SPMAP2: variants seen among roughly 807,000 people sequenced by gnomAD.
SPMAP2 encodes the protein Theg homolog.
chr19:362,404 C>G, the SPMAP2 span: 41 of 1,606,026 alleles, frequency 2.6e-5, no homozygotes, highest in African/African-American at 5.5e-4. Context: ...CAGGAACGCA[C>G]TTGTCCGACT....
At chr19:373,531 C>T in the SPMAP2 span, 10,243 of 1,613,000 alleles carry the variant, frequency 6.4e-3, 570 homozygotes, top group African/African-American at 0.12. Context: ...ACACAGAGGG[C>T]CTGGAATAAG....
At chr19:364,575 G>C in the SPMAP2 span, among the ~76,000 whole-genome samples, 1 of 151,530 alleles carries the variant, frequency 6.6e-6, no homozygotes, top group Non-Finnish European at 1.5e-5. Context: ...ACAGCCAAGA[G>C]AGCTCAAGTC....
At chr19:370,466 G>A in the SPMAP2 span, among the ~76,000 whole-genome samples, 10 of 151,244 alleles carry the variant, frequency 6.6e-5, no homozygotes, top group Admixed American at 4.0e-4. Flanking sequence ...CTCAGCCTCC[G>A]GAGTAGTTGG....
At chr19:368,338 C>T in the SPMAP2 span, among the ~76,000 whole-genome samples, 2 of 152,166 alleles carry the variant, frequency 1.3e-5, no homozygotes, top group Non-Finnish European at 2.9e-5. The surrounding 1 kb of genome is among the most constrained non-coding windows in gnomAD (Gnocchi z 4.1). Flanking sequence ...TTCTGTTCCC[C>T]TTCACCAGGC....
At chr19:370,776 CGA>C in the SPMAP2 span, among the ~76,000 whole-genome samples, 13 of 152,316 alleles carry the variant, frequency 8.5e-5, no homozygotes, top group Admixed American at 6.5e-4. Flanking sequence ...CCGACGCACG[CGA>C]GAGTCTCAGA....
the SPMAP2 span, chr19:374,235 G>A: frequency 5.4e-5 from 86 of 1,593,928 alleles, 1 homozygote; most frequent in South Asian, 2.1e-4. Context: ...GGAGGAGCCC[G>A]GGAAGGGTGC....
the SPMAP2 span, among the ~76,000 whole-genome samples, chr19:367,786 G>A: frequency 6.6e-6 from 1 of 152,126 alleles, no homozygotes; most frequent in African/African-American, 2.4e-5. Context: ...ACCCCGGAAG[G>A]AGCCGGGCGC....
the SPMAP2 span, among the ~76,000 whole-genome samples, chr19:364,145 C>T: frequency 6.7e-6 from 1 of 148,646 alleles, no homozygotes. Flanking sequence ...CATCCTGGCT[C>T]ACACGGTGAA....
chr19:364,758 C>T, the SPMAP2 span, among the ~76,000 whole-genome samples: 1 of 151,954 alleles, frequency 6.6e-6, no homozygotes, highest in African/African-American at 2.4e-5. Context: ...CCTGGTACCC[C>T]CTTCTCACCA....
chr19:374,233 C>G, the SPMAP2 span: 2 of 1,592,382 alleles, frequency 1.3e-6, no homozygotes, highest in Non-Finnish European at 1.7e-6. Context: ...CAGGAGGAGC[C>G]CGGGAAGGGT....
At chr19:364,481 G>A in the SPMAP2 span, among the ~76,000 whole-genome samples, 1 of 151,792 alleles carries the variant, frequency 6.6e-6, no homozygotes, top group East Asian at 1.9e-4. Context: ...AGAGTTTTGA[G>A]GCCAGACTGA....
chr19:362,337 G>A, the SPMAP2 span: 11 of 1,610,296 alleles, frequency 6.8e-6, no homozygotes, highest in African/African-American at 4.0e-5. Flanking sequence ...GAGATGATCC[G>A]GGGGCTGGCC....
chr19:364,313 G>A, the SPMAP2 span, among the ~76,000 whole-genome samples: 1 of 144,976 alleles, frequency 6.9e-6, no homozygotes, highest in African/African-American at 2.5e-5. Flanking sequence ...CTCCAGCCTG[G>A]GTGACAGAGC....
At chr19:373,082 C>G in the SPMAP2 span, among the ~76,000 whole-genome samples, 5 of 152,088 alleles carry the variant, frequency 3.3e-5, no homozygotes, top group Non-Finnish European at 7.4e-5. Context: ...GACTGTAGGT[C>G]TAAAGTCAAG....
the SPMAP2 span, chr19:371,244 CG>C: frequency 6.6e-7 from 1 of 1,509,002 alleles, no homozygotes; most frequent in Non-Finnish European, 8.9e-7. Context: ...CACGAATCTT[CG>C]GGGCGGCCAG....
chr19:374,016 G>A, the SPMAP2 span: 368,302 of 1,610,866 alleles, frequency 0.23, 45,688 homozygotes, highest in South Asian at 0.3. Context: ...CCCTTCCTGC[G>A]AGGAGACAGG....
At chr19:375,177 C>T in the SPMAP2 span, among the ~76,000 whole-genome samples, 1 of 152,190 alleles carries the variant, frequency 6.6e-6, no homozygotes, top group Admixed American at 6.5e-5. Context: ...CCAAAATCAG[C>T]GCCCCCAGTG....
the SPMAP2 span, among the ~76,000 whole-genome samples, chr19:366,641 A>G: frequency 3.8e-4 from 58 of 152,348 alleles, no homozygotes; most frequent in African/African-American, 1.3e-3. Flanking sequence ...CTCCCAATCT[A>G]CAACTCCAAA....
the SPMAP2 span, among the ~76,000 whole-genome samples, chr19:375,153 A>C: frequency 3.3e-5 from 5 of 151,980 alleles, no homozygotes; most frequent in African/African-American, 9.7e-5. Flanking sequence ...TGCTGGGGAC[A>C]CTCCAGCAAC....
Sources: allele counts gnomAD v4.1 joint callset (sites outside exome capture counted in the v4.1 genomes callset), GRCh38; gene constraint gnomAD v4.1.1; non-coding constraint Gnocchi (gnomAD v3.1); transcripts MANE v1.5; gene names NCBI Gene and HGNC (gene_info 2026-07-23, HGNC 2026-07-21).